Variants in SLC4A4 observed in about 807,000 individuals in gnomAD.
The protein encoded by SLC4A4 is electrogenic sodium bicarbonate cotransporter 1.
In SLC4A4, 27 loss-of-function variants were observed where a neutral mutation model predicts 111.5. The observed-to-expected ratio is 0.24, with a 90% CI of 0.18 to 0.33. The LOEUF is 0.33. Among genes scored for constraint, SLC4A4 ranks in the 10% least tolerant of loss-of-function variants. The pLI is 1.00. For missense variants in SLC4A4, 909 were observed against 1,315.5 expected, an observed-to-expected ratio of 0.69 and a Z score of 4.78; for synonymous variants, 443 against 463.4, an observed-to-expected ratio of 0.96 and a Z score of 0.57.
intron 3 of SLC4A4, among the ~76,000 whole-genome samples, chr4:71,312,657 A>G (rs1295136304): frequency 6.6e-6 from 1 of 152,202 alleles, no homozygotes; most frequent in Admixed American, 6.5e-5. Context: ...CATAAACAGA[A>G]CCAATGACAA....
chr4:71,339,617 C>T (rs547216287), intron 4 of SLC4A4, 112 bp downstream of exon 4: 1 of 990,990 alleles, frequency 1.0e-6, no homozygotes, highest in Admixed American at 1.9e-5. Context: ...GGCCAATGGG[C>T]ATGATGTTGG....
At chr4:71,251,428 A>G (rs143058885) in intron 2 of SLC4A4, among the ~76,000 whole-genome samples, 71 of 152,328 alleles carry the variant, frequency 4.7e-4, no homozygotes, top group African/African-American at 1.6e-3. Flanking sequence ...AACAAGAATC[A>G]CGTAGTGATC....
At chr4:71,374,593 A>G (rs1732177506) in intron 6 of SLC4A4, among the ~76,000 whole-genome samples, 1 of 152,180 alleles carries the variant, frequency 6.6e-6, no homozygotes, top group Non-Finnish European at 1.5e-5. Flanking sequence ...TATTTCCTTG[A>G]TATCTAATAT....
chr4:71,127,961 G>T, intron 2 of SLC4A4, among the ~76,000 whole-genome samples: 1 of 152,140 alleles, frequency 6.6e-6, no homozygotes, highest in Non-Finnish European at 1.5e-5. Flanking sequence ...AGTGGTGCAG[G>T]ACTGTAGTCT....
At chr4:71,362,421 G>A (rs1730877829) in intron 6 of SLC4A4, among the ~76,000 whole-genome samples, 1 of 152,192 alleles carries the variant, frequency 6.6e-6, no homozygotes, top group Non-Finnish European at 1.5e-5. Flanking sequence ...TGTATAAAAT[G>A]TTTAGAGTGG....
In SLC4A4 at chr4:71,482,809, T is replaced by C. The variant is rs1729004312; in HGVS notation, c.1904-4139T>C. ...AAGTACTATCTCATCTTGAATTCTG[T>C]GGCCACATAAGTCATCTGATTTTGA... On this transcript the variant is annotated intron_variant, in intron 14 of 25. Transcript: ENST00000264485. 2.0e-5 allele frequency among the ~76,000 whole-genome samples: 3 copies of C among 151,580 alleles called. No individual in the cohort carries two copies. The South Asian group carries it at 6.2e-4, about 31-fold the overall frequency.
Position 71,557,776 on chromosome 4 carries a change from G to C in SLC4A4, c.2828G>C (p.Arg943Pro). 1.2e-6 allele frequency: 2 copies of C among 1,612,698 alleles called. No individual in the cohort carries two copies. The highest frequency in any genetic ancestry group is 1.7e-6 in the Non-Finnish European group (2 of 1,179,254). ...CATCAGCCTGACTTCATCTACCTGC[G>C]TCATGTTCCTCTGCGCAGAGTCCAC... The part of the protein sequence containing the change: ...LKHQPDFIYL[R>P]HVPLRRVHLF... The change falls in exon 22 of 26, where the codon CGT (arginine) becomes CCT (proline). Residue 943 changes from arginine (R) to proline (P), a missense_variant. Transcript: ENST00000264485.
intron 22 of SLC4A4, among the ~76,000 whole-genome samples, chr4:71,559,693 T>C (rs1459372066): frequency 6.6e-6 from 1 of 151,866 alleles, no homozygotes; most frequent in Non-Finnish European, 1.5e-5. Context: ...TCTTGATTGC[T>C]AAAAACCTTT....
At chr4:71,534,592 A>T (rs2149214161) in intron 18 of SLC4A4, among the ~76,000 whole-genome samples, 1 of 152,254 alleles carries the variant, frequency 6.6e-6, no homozygotes, top group African/African-American at 2.4e-5. Flanking sequence ...ATCTGAAAAA[A>T]AAAAAAGGTT....
chr4:71,196,301 C>T (rs1018314764), intron 1 of SLC4A4, among the ~76,000 whole-genome samples: 4 of 152,140 alleles, frequency 2.6e-5, no homozygotes, highest in Non-Finnish European at 5.9e-5. Context: ...AGCAGAGACA[C>T]GCAGCTCACA....
rs779444394 is a variant in SLC4A4, at chr4:71,567,076, A to G, written c.*29A>G. 17 of 1,608,626 alleles carry G rather than the reference A, an allele frequency of 1.1e-5. No homozygotes were observed. The South Asian group carries it at 1.3e-4, about 13-fold the overall frequency. On this transcript the variant is annotated 3_prime_UTR_variant, in exon 25 of 26. Transcript: ENST00000264485. ...AATTCCTTTCCTTCAGTCACTCGGT[A>G]TGCCAAGGTAAAGGAGAGCCCAGTA...
At chr4:71,347,337 C>G (rs139425583) in intron 4 of SLC4A4, among the ~76,000 whole-genome samples, 1 of 152,198 alleles carries the variant, frequency 6.6e-6, no homozygotes, top group African/African-American at 2.4e-5. Flanking sequence ...ATTCAGGCTG[C>G]TATAACAAAA....
At chr4:71,509,558 TG>T (rs1318863843) in intron 16 of SLC4A4, among the ~76,000 whole-genome samples, 1 of 152,138 alleles carries the variant, frequency 6.6e-6, no homozygotes, top group Admixed American at 6.5e-5. Flanking sequence ...GCCTACTTCA[TG>T]GGGGTTTGTG....
At chr4:71,410,621 T>C (rs1441824096) in intron 7 of SLC4A4, among the ~76,000 whole-genome samples, 1 of 152,216 alleles carries the variant, frequency 6.6e-6, no homozygotes, top group Non-Finnish European at 1.5e-5. Context: ...GACTTTGGAC[T>C]GTGGACTTTT....
intron 4 of SLC4A4, among the ~76,000 whole-genome samples, chr4:71,345,682 A>G (rs1264033619): frequency 6.6e-6 from 1 of 152,056 alleles, no homozygotes. Context: ...GTGCACTTAT[A>G]CTGTGGGTTT....
chr4:71,441,222 T>C (rs1406314596), intron 8 of SLC4A4, among the ~76,000 whole-genome samples: 1 of 152,212 alleles, frequency 6.6e-6, no homozygotes, highest in Admixed American at 6.5e-5. Flanking sequence ...TCAAGCTGTA[T>C]ACTTAAGTTT....
At position 71,372,373 on chromosome 4, in the gene SLC4A4, C is replaced by A. The variant is rs73828110; in HGVS notation, c.730+15186C>A. The stretch of plus-strand genomic sequence containing the variant: ...ACAGATCTCACCGGCAGGCCTGAAA[C>A]CAGCCTGGGCTGGGGAAAACAAAGA... On this transcript the variant is annotated intron_variant, in intron 6 of 25. Coordinates refer to ENST00000264485, the MANE Select transcript of SLC4A4 (RefSeq NM_001098484.3). Among the ~76,000 whole-genome samples the A allele has an allele frequency of 8.9e-3, 1,356 of 152,310 alleles. 22 individuals carry two copies. The highest frequency in any genetic ancestry group is 0.029 in the African/African-American group (1,212 of 41,568).
intron 3 of SLC4A4, among the ~76,000 whole-genome samples, chr4:71,293,504 A>G (rs539185205): frequency 2.6e-5 from 4 of 152,000 alleles, no homozygotes; most frequent in African/African-American, 9.6e-5. Flanking sequence ...CGGAGGTTGC[A>G]ATGAGCCAAG....
intron 16 of SLC4A4, among the ~76,000 whole-genome samples, chr4:71,524,153 C>A (rs550269091): frequency 6.6e-6 from 1 of 152,112 alleles, no homozygotes; most frequent in South Asian, 2.1e-4. Context: ...TGTCTTTAGG[C>A]CTGCCATCAT....
Sources: allele counts gnomAD v4.1 joint callset (sites outside exome capture counted in the v4.1 genomes callset), GRCh38; gene constraint gnomAD v4.1.1; transcripts MANE v1.5; gene names NCBI Gene and HGNC (gene_info 2026-07-23, HGNC 2026-07-21).